The following THRB variants were observed in gnomAD, a reference collection of about 807,000 sequenced individuals.
THRB encodes the protein nuclear receptor subfamily 1 group A member 2.
Under a neutral mutation model 47.8 loss-of-function variants are expected in THRB, and 12 were observed. That is an observed-to-expected ratio of 0.25 (90% CI 0.16 to 0.41). The LOEUF (loss-of-function observed/expected upper bound fraction) is 0.41, where lower values mean the gene tolerates loss of function less well. THRB is among the 10% of genes least tolerant of loss of function. The pLI, the probability that THRB is intolerant of heterozygous loss-of-function variation, is 1.00. For missense variants in THRB, 348 were observed against 589.2 expected, an observed-to-expected ratio of 0.59 and a Z score of 4.24; for synonymous variants, 218 against 212.2, an observed-to-expected ratio of 1.03 and a Z score of -0.24.
chr3:24,246,403 C>T (rs1276157580), intron 3 of THRB, among the ~76,000 whole-genome samples: 1 of 152,182 alleles, frequency 6.6e-6, no homozygotes, highest in African/African-American at 2.4e-5. Flanking sequence ...ACTTCATGCA[C>T]TGGTTGTACG....
intron 1 of THRB, among the ~76,000 whole-genome samples, chr3:24,462,372 C>T (rs929341682): frequency 1.3e-5 from 2 of 152,210 alleles, no homozygotes; most frequent in African/African-American, 4.8e-5. Flanking sequence ...TCTAGAATTG[C>T]ATGTCTCTTG....
At chr3:24,435,153 C>G (rs1428603262) in intron 1 of THRB, among the ~76,000 whole-genome samples, 1 of 152,078 alleles carries the variant, frequency 6.6e-6, no homozygotes, top group Non-Finnish European at 1.5e-5. Context: ...AGGCTTCCAG[C>G]TTGGCTGATT....
At chr3:24,476,463 G>A (rs982016651) in intron 1 of THRB, among the ~76,000 whole-genome samples, 1 of 152,116 alleles carries the variant, frequency 6.6e-6, no homozygotes, top group African/African-American at 2.4e-5. Flanking sequence ...CAGAGGAACT[G>A]AAACAAAAAA....
intron 4 of THRB, among the ~76,000 whole-genome samples, chr3:24,206,834 G>A (rs1402585861): frequency 6.6e-6 from 1 of 152,126 alleles, no homozygotes; most frequent in East Asian, 1.9e-4. Context: ...CCATCCCACA[G>A]AAATACAAAC....
chr3:24,183,356 CTTTT>C (rs1225281381), intron 5 of THRB, among the ~76,000 whole-genome samples: 1 of 81,340 alleles, frequency 1.2e-5, no homozygotes, highest in Non-Finnish European at 2.7e-5. Flanking sequence ...TCTTCTTTTT[CTTTT>C]TTCTTTTCTT....
In THRB at chr3:24,399,334, A is replaced by G. The variant is rs1285135187; in HGVS notation, c.-260-61963T>C. Among the ~76,000 whole-genome samples the G allele has an allele frequency of 5.3e-5, 8 of 152,148 alleles. No individual in the cohort carries two copies. The East Asian group carries it at 1.6e-3, about 30-fold the overall frequency. On this transcript the variant is annotated intron_variant, in intron 1 of 10. Transcript: ENST00000646209. Reference sequence around the variant, plus strand: ...GGCATAATGGTGACAAAAGTGACCAATTTGAGGTTATAATTCCTTTTTTCT... The same window carrying G: ...GGCATAATGGTGACAAAAGTGACCAGTTTGAGGTTATAATTCCTTTTTTCT...
intron 1 of THRB, among the ~76,000 whole-genome samples, chr3:24,413,410 A>T (rs573457940): frequency 2.6e-4 from 39 of 151,944 alleles, no homozygotes; most frequent in Admixed American, 3.3e-4. Flanking sequence ...TTGGGGATTA[A>T]AAAAAGGGAG....
intron 3 of THRB, among the ~76,000 whole-genome samples, chr3:24,290,917 G>GT (rs2055858851): frequency 6.6e-6 from 1 of 152,192 alleles, no homozygotes; most frequent in Non-Finnish European, 1.5e-5. Context: ...TGTTACTCAA[G>GT]TAAGATGTCC....
intron 3 of THRB, among the ~76,000 whole-genome samples, chr3:24,245,978 G>C (rs2050078011): frequency 1.3e-5 from 2 of 152,168 alleles, no homozygotes; most frequent in Admixed American, 1.3e-4. Flanking sequence ...GTTACGTAAA[G>C]TGTAGTTTAT....
At chr3:24,179,363 T>A (rs1270325778) in intron 5 of THRB, among the ~76,000 whole-genome samples, 2 of 152,228 alleles carry the variant, frequency 1.3e-5, no homozygotes, top group African/African-American at 4.8e-5. Context: ...TAAAAGGGCA[T>A]GATGTTTATA....
Position 24,490,143 on chromosome 3 carries a change from G to C in THRB, c.-261+4509C>G, listed in dbSNP as rs557175103. ...TAATATGTTGTCTCATAGGTCACTG[G>C]GCTGCATGCTGAACTGAAAAATGGC... On this transcript the variant is annotated intron_variant, in intron 1 of 10. Transcript: ENST00000646209. Among the ~76,000 whole-genome samples, 59 of 152,244 alleles carry C rather than the reference G, an allele frequency of 3.9e-4. 1 individual carries two copies. The South Asian group carries it at 0.012, about 30-fold the overall frequency.
intron 4 of THRB, among the ~76,000 whole-genome samples, chr3:24,193,939 C>G (rs1383563008): frequency 1.3e-5 from 2 of 152,182 alleles, no homozygotes; most frequent in Non-Finnish European, 2.9e-5. Flanking sequence ...GAATACTACT[C>G]AGACATAAAA....
intron 4 of THRB, among the ~76,000 whole-genome samples, chr3:24,213,195 C>T (rs2046233200): frequency 6.6e-6 from 1 of 152,184 alleles, no homozygotes; most frequent in African/African-American, 2.4e-5. Context: ...GCCAAGCTGT[C>T]CCAGGTCCAG....
chr3:24,130,276 C>T (rs2033641324), intron 9 of THRB, among the ~76,000 whole-genome samples: 1 of 152,160 alleles, frequency 6.6e-6, no homozygotes, highest in Non-Finnish European at 1.5e-5. Flanking sequence ...GATAAGCTTG[C>T]CACAACCCAT....
At chr3:24,328,283 T>C (rs1412629199) in intron 2 of THRB, among the ~76,000 whole-genome samples, 4 of 152,196 alleles carry the variant, frequency 2.6e-5, no homozygotes, top group African/African-American at 7.2e-5. Context: ...AGACAAAATG[T>C]ATATATAAGT....
intron 4 of THRB, among the ~76,000 whole-genome samples, chr3:24,208,086 T>A (rs1007834106): frequency 6.6e-6 from 1 of 151,968 alleles, no homozygotes; most frequent in Non-Finnish European, 1.5e-5. Flanking sequence ...TGAGTGAACC[T>A]TAATTCACAA....
chr3:24,239,877 T>G (rs1030717115), intron 3 of THRB, among the ~76,000 whole-genome samples: 1 of 152,176 alleles, frequency 6.6e-6, no homozygotes, highest in African/African-American at 2.4e-5. Context: ...TCTTAGTGTT[T>G]CAGTAATATT....
At chr3:24,393,489 A>T (rs980649547) in intron 1 of THRB, among the ~76,000 whole-genome samples, 1 of 152,156 alleles carries the variant, frequency 6.6e-6, no homozygotes, top group Admixed American at 6.6e-5. Context: ...TGCATAAACA[A>T]GTTCTAGGGG....
intron 1 of THRB, among the ~76,000 whole-genome samples, chr3:24,381,231 A>T (rs1390366342): frequency 6.6e-6 from 1 of 152,168 alleles, no homozygotes; most frequent in Non-Finnish European, 1.5e-5. Flanking sequence ...CTCTGGTAAA[A>T]CCATATTTGA....
Sources: allele counts gnomAD v4.1 joint callset (sites outside exome capture counted in the v4.1 genomes callset), GRCh38; gene constraint gnomAD v4.1.1; transcripts MANE v1.5; gene names NCBI Gene and HGNC (gene_info 2026-07-23, HGNC 2026-07-21).